ASH1L: variants seen among roughly 807,000 people sequenced by gnomAD.
ASH1L encodes histone-lysine N-methyltransferase ASH1L.
ASH1L carries 23 observed loss-of-function variants against 269.0 expected under a neutral mutation model. The ratio of observed to expected loss-of-function variants is 0.09; its 90% confidence interval spans 0.06 to 0.12. The LOEUF (loss-of-function observed/expected upper bound fraction) is 0.12, where lower values mean the gene tolerates loss of function less well. Ranked by LOEUF, ASH1L falls within the 10% of genes least tolerant of loss-of-function variation. ASH1L has a pLI of 1.00. For synonymous variants in ASH1L, 1,187 were observed against 1,253.5 expected (o/e 0.95, Z 1.12); for missense variants, 2,912 against 3,567.8 (o/e 0.82, Z 4.68).
chr1:155,496,062 C>CCTTTTA (rs1667135044), intron 2 of ASH1L, among the ~76,000 whole-genome samples: 1 of 152,068 alleles, frequency 6.6e-6, no homozygotes, highest in Non-Finnish European at 1.5e-5. Flanking sequence ...TACTTTATTA[C>CCTTTTA]CTTTTACATT....
chr1:155,345,908 T>G, intron 21 of ASH1L: 1 of 320,006 alleles, frequency 3.1e-6, no homozygotes, highest in South Asian at 2.6e-5. Flanking sequence ...CTTGGCTTAC[T>G]GCAACATCTG....
chr1:155,400,326 T>C (rs891398500), intron 6 of ASH1L, among the ~76,000 whole-genome samples: 5 of 147,754 alleles, frequency 3.4e-5, no homozygotes, highest in African/African-American at 1.3e-4. Context: ...AGCGAGACTG[T>C]CTCAAAAAAA....
At chr1:155,472,680 T>C (rs1205220738) in intron 3 of ASH1L, among the ~76,000 whole-genome samples, 1 of 152,194 alleles carries the variant, frequency 6.6e-6, no homozygotes, top group East Asian at 1.9e-4. Context: ...AAAAAGGGCC[T>C]GCCAATACTG....
At chr1:155,353,776 T>C (rs545970319) in intron 16 of ASH1L, among the ~76,000 whole-genome samples, 5 of 152,162 alleles carry the variant, frequency 3.3e-5, no homozygotes, top group Admixed American at 1.3e-4. Flanking sequence ...GAATGTGAGA[T>C]AAAAAGGTCT....
At chr1:155,503,769 G>C (rs996942033) in intron 2 of ASH1L, among the ~76,000 whole-genome samples, 1 of 152,024 alleles carries the variant, frequency 6.6e-6, no homozygotes, top group Admixed American at 6.6e-5. Context: ...CTATCACCTA[G>C]GCTGCAGTAC....
At chr1:155,474,720 A>C (rs1162125263) in intron 3 of ASH1L, among the ~76,000 whole-genome samples, 1 of 151,966 alleles carries the variant, frequency 6.6e-6, no homozygotes, top group Non-Finnish European at 1.5e-5. Context: ...AAAAAAAAAA[A>C]CTGTGTTCTC....
At chr1:155,366,586 C>CTTCTA (rs1358510518) in intron 12 of ASH1L, among the ~76,000 whole-genome samples, 1 of 152,134 alleles carries the variant, frequency 6.6e-6, no homozygotes, top group African/African-American at 2.4e-5. Flanking sequence ...CTTCTGACAG[C>CTTCTA]TTCTAGTATA....
At chr1:155,403,803 C>CT (rs1415734181) in intron 6 of ASH1L, among the ~76,000 whole-genome samples, 2 of 151,540 alleles carry the variant, frequency 1.3e-5, no homozygotes, top group Admixed American at 6.6e-5. Context: ...AATACAGAAG[C>CT]TTTTTTTGGA....
rs748415469 is a variant in ASH1L at position 155,459,819 on chromosome 1, TGAA to T, written c.5061_5063del (p.Ser1689del). 1.9e-6 allele frequency: 3 copies of T among 1,613,644 alleles called. No individual in the cohort carries two copies. The South Asian group carries it at 3.3e-5, about 18-fold the overall frequency. On this transcript the variant is annotated inframe_deletion, in exon 4 of 28. Transcript: ENST00000392403. ...AGCCTGTTGAAGAAGTACTCTCAGA[TGAA>T]GACCTTTTCCGGGTAGGGCTACAAT...
At chr1:155,553,121 C>G (rs551053974) in intron 1 of ASH1L, among the ~76,000 whole-genome samples, 25 of 152,258 alleles carry the variant, frequency 1.6e-4, no homozygotes, top group Non-Finnish European at 1.8e-4. Flanking sequence ...AGTCTATGAT[C>G]TTAATGACTA....
At chr1:155,397,676 G>A (rs530125592) in intron 6 of ASH1L, among the ~76,000 whole-genome samples, 18 of 152,090 alleles carry the variant, frequency 1.2e-4, no homozygotes, top group Non-Finnish European at 1.9e-4. Context: ...TCAGCCTCCC[G>A]AGTAGCTGGG....
intron 6 of ASH1L, among the ~76,000 whole-genome samples, chr1:155,398,956 C>T (rs1214728612): frequency 1.3e-5 from 2 of 152,146 alleles, no homozygotes; most frequent in African/African-American, 4.8e-5. Flanking sequence ...TGGTCTTCAA[C>T]TCCTGGGCTC....
At chr1:155,344,655 C>G (rs1653082970) in intron 21 of ASH1L, 1 of 163,726 alleles carries the variant, frequency 6.1e-6, no homozygotes, top group African/African-American at 2.4e-5. Context: ...AACTATTCAC[C>G]TAAACATGAC....
At position 155,350,056 on chromosome 1, in the gene ASH1L, A is replaced by T. The variant is rs988372376; in HGVS notation, c.7367-460T>A. Among the ~76,000 whole-genome samples the T allele has an allele frequency of 2.0e-5, 3 of 151,580 alleles. 1 individual carries two copies. The South Asian group carries it at 6.2e-4, about 32-fold the overall frequency. On this transcript the variant is annotated intron_variant, in intron 17 of 27. Coordinates refer to ENST00000392403, the MANE Select transcript of ASH1L (RefSeq NM_018489.3). ...AGGTACCCGCCACCATGCCCGGCTA[A>T]TTTTTTGTATTTTTAGTAGAGACGA...
At chr1:155,340,129 T>A (rs1043882211) in intron 25 of ASH1L, among the ~76,000 whole-genome samples, 14 of 146,160 alleles carry the variant, frequency 9.6e-5, no homozygotes, top group Non-Finnish European at 2.0e-4. Flanking sequence ...TCTGGAAAAT[T>A]AAAAAAAAAA....
At chr1:155,423,212 G>A (rs1203707324) in intron 5 of ASH1L, among the ~76,000 whole-genome samples, 1 of 151,608 alleles carries the variant, frequency 6.6e-6, no homozygotes, top group East Asian at 2.0e-4. Context: ...GCCTCCCAAA[G>A]TGTTGGGATT....
At position 155,533,717 on chromosome 1, in the gene ASH1L, CAAA is replaced by C. The variant is rs569067721; in HGVS notation, c.-99-12102_-99-12100del. On this transcript the variant is annotated intron_variant, in intron 1 of 27. Transcript: ENST00000392403. ...TGGATGACAGAGCGAGACTCCGTCT[CAAA>C]AAAAAAAAAAAAAGAAAAGATCATC... 1.3e-4 allele frequency among the ~76,000 whole-genome samples: 10 copies of C among 79,670 alleles called. 1 individual carries two copies. Among genetic ancestry groups the C allele is most frequent in the Admixed American group, 1.5e-4 (1 of 6,548 alleles). The allele number at this position is 79,670 out of a possible 152,430, so 52.3% of individuals were successfully genotyped here. A position where few individuals can be genotyped will look rare whatever the true frequency, so the allele number is the denominator to read the frequency against.
chr1:155,399,650 C>T (rs111923429), intron 6 of ASH1L, among the ~76,000 whole-genome samples: 278 of 149,996 alleles, frequency 1.9e-3, no homozygotes, highest in African/African-American at 6.6e-3. Context: ...CCAACCCCCA[C>T]CCCCCAAAAA....
chr1:155,377,870 A>G (rs1656595753), intron 10 of ASH1L, among the ~76,000 whole-genome samples: 1 of 152,008 alleles, frequency 6.6e-6, no homozygotes, highest in African/African-American at 2.4e-5. Context: ...AAATACAAAA[A>G]AAATTAGCTG....
Sources: allele counts gnomAD v4.1 joint callset (sites outside exome capture counted in the v4.1 genomes callset), GRCh38; gene constraint gnomAD v4.1.1; transcripts MANE v1.5; gene names NCBI Gene and HGNC (gene_info 2026-07-23, HGNC 2026-07-21).